Variants in NBAS observed in about 807,000 individuals in gnomAD.
NBAS encodes the protein NAG/BC035112 fusion.
NBAS carries 219 observed loss-of-function variants against 302.5 expected under a neutral mutation model. The observed-to-expected ratio is 0.72, with a 90% CI of 0.65 to 0.81. The LOEUF (loss-of-function observed/expected upper bound fraction) is 0.81. NBAS is among the 30% of genes least tolerant of loss of function. The pLI, the probability that NBAS is intolerant of heterozygous loss-of-function variation, is 0.00. For missense variants in NBAS, 2,932 were observed against 2,841.6 expected (o/e 1.03, Z -0.72); for synonymous variants, 1,118 against 1,021.6 (o/e 1.09, Z -1.80).
the NBAS span, among the ~76,000 whole-genome samples, chr2:14,921,712 T>C: frequency 1.5e-3 from 227 of 152,248 alleles, no homozygotes; most frequent in African/African-American, 4.6e-3. Context: ...AGCGAGTGTG[T>C]GTGTGATTGT....
Position 15,218,961 on chromosome 2 carries a change from G to GCTC in NBAS, c.6241_6243dup (p.Glu2081dup). The GCTC allele has an allele frequency of 1.2e-6, 2 of 1,614,252 alleles. No individual in the cohort carries two copies. Among genetic ancestry groups the GCTC allele is most frequent in the South Asian group, 2.2e-5 (2 of 91,084 alleles). ...TCCAGCAGGTCCTCAGGTGAAACCA[G>GCTC]CTCCTCACTGCAGGGCAAAATCCAG... On this transcript the variant is annotated inframe_insertion, in exon 48 of 52. Coordinates refer to ENST00000281513, the MANE Select transcript of NBAS (RefSeq NM_015909.4).
At chr2:14,996,062 C>T in the NBAS span, among the ~76,000 whole-genome samples, 3 of 152,056 alleles carry the variant, frequency 2.0e-5, no homozygotes, top group African/African-American at 4.8e-5. Flanking sequence ...CTGTTGTCTT[C>T]CTTTGAGGTT....
intron 51 of NBAS, among the ~76,000 whole-genome samples, chr2:15,178,702 A>G (rs1458112614): frequency 6.6e-6 from 1 of 152,200 alleles, no homozygotes; most frequent in African/African-American, 2.4e-5. Context: ...TGATCTTCTT[A>G]AGGAGACTAA....
chr2:15,432,307 C>T (rs566423232), intron 21 of NBAS, among the ~76,000 whole-genome samples: 1 of 150,222 alleles, frequency 6.7e-6, no homozygotes, highest in Non-Finnish European at 1.5e-5. Flanking sequence ...ATATGGTAAA[C>T]TCAAATTATC....
At chr2:14,875,852 G>C in the NBAS span, among the ~76,000 whole-genome samples, 1 of 152,116 alleles carries the variant, frequency 6.6e-6, no homozygotes, top group African/African-American at 2.4e-5. Flanking sequence ...CCTCTCTCTG[G>C]AAAGGAAGGG....
At chr2:14,854,091 TA>T in the NBAS span, among the ~76,000 whole-genome samples, 372 of 149,044 alleles carry the variant, frequency 2.5e-3, 2 homozygotes, top group African/African-American at 7.3e-3. Context: ...ATAATAATAA[TA>T]AAAAAAAGAA....
chr2:14,947,413 TA>T, the NBAS span, among the ~76,000 whole-genome samples: 1 of 152,146 alleles, frequency 6.6e-6, no homozygotes, highest in Admixed American at 6.5e-5. Flanking sequence ...ATGGAAAATC[TA>T]AAAGAAACAA....
Position 15,558,610 on chromosome 2 carries a change from C to T in NBAS, c.142G>A (p.Ala48Thr). Residue 48 changes from alanine (A) to threonine (T), a missense_variant, in exon 2 of 52, where the codon GCA (alanine) becomes ACA (threonine). Transcript: ENST00000281513. ...ATTGCTTTCGTGATGATAAAGGATG[C>T]ACCATGTTTTTGGTTGCCTCTAGGC... ...VQPRGNQKHG[A>T]SFIITKAIRD... The T allele has an allele frequency of 6.2e-7, 1 of 1,613,002 alleles. No homozygotes were observed. Among genetic ancestry groups the T allele is most frequent in the Non-Finnish European group, 8.5e-7 (1 of 1,179,464 alleles).
chr2:14,968,602 C>T, the NBAS span, among the ~76,000 whole-genome samples: 11 of 152,036 alleles, frequency 7.2e-5, no homozygotes, highest in South Asian at 1.3e-3. Flanking sequence ...TGTGCCTGGC[C>T]GAACATGTTT....
chr2:14,834,408 G>T, the NBAS span, among the ~76,000 whole-genome samples: 1 of 152,126 alleles, frequency 6.6e-6, no homozygotes, highest in African/African-American at 2.4e-5. Flanking sequence ...AAGGCCTACT[G>T]CAGATGGACA....
intron 44 of NBAS, among the ~76,000 whole-genome samples, chr2:15,250,688 G>A (rs1036735803): frequency 3.9e-5 from 6 of 152,076 alleles, no homozygotes; most frequent in African/African-American, 9.7e-5. Flanking sequence ...ACATTTATGC[G>A]GCCAACAAGC....
intron 11 of NBAS, among the ~76,000 whole-genome samples, chr2:15,500,539 CAA>C (rs34627628): frequency 4.2e-5 from 6 of 144,524 alleles, no homozygotes; most frequent in African/African-American, 8.1e-5. Flanking sequence ...CACACACACA[CAA>C]AATTAGAAAT....
the NBAS span, among the ~76,000 whole-genome samples, chr2:14,990,805 A>G: frequency 6.6e-6 from 1 of 152,190 alleles, no homozygotes; most frequent in Non-Finnish European, 1.5e-5. Context: ...TACTGAGGAC[A>G]TCTTGCAATA....
At chr2:14,867,889 T>C in the NBAS span, among the ~76,000 whole-genome samples, 2 of 152,210 alleles carry the variant, frequency 1.3e-5, no homozygotes, top group African/African-American at 4.8e-5. Flanking sequence ...AATTATTAAA[T>C]GTTTTCTTTC....
At chr2:14,896,801 T>C in the NBAS span, among the ~76,000 whole-genome samples, 1 of 152,234 alleles carries the variant, frequency 6.6e-6, no homozygotes, top group Non-Finnish European at 1.5e-5. Context: ...CAAATCACCG[T>C]GAACAACTAT....
chr2:14,815,269 T>C, the NBAS span, among the ~76,000 whole-genome samples: 1 of 152,220 alleles, frequency 6.6e-6, no homozygotes, highest in Non-Finnish European at 1.5e-5. Context: ...GATTGAAAGC[T>C]ACTTCACTCA....
the NBAS span, among the ~76,000 whole-genome samples, chr2:15,100,545 G>A: frequency 6.6e-6 from 1 of 152,116 alleles, no homozygotes; most frequent in African/African-American, 2.4e-5. Flanking sequence ...ACTTCTCTGG[G>A]AACACACAAT....
intron 9 of NBAS, among the ~76,000 whole-genome samples, chr2:15,527,089 A>G (rs1662944924): frequency 9.3e-6 from 1 of 107,224 alleles, no homozygotes; most frequent in Admixed American, 9.7e-5. Context: ...TTCTTTTAAA[A>G]GGGACAAGAG....
chr2:15,000,483 A>C, the NBAS span, among the ~76,000 whole-genome samples: 1 of 152,200 alleles, frequency 6.6e-6, no homozygotes, highest in South Asian at 2.1e-4. Context: ...GAAAATATAC[A>C]TGAAAGCCCC....
Sources: gnomAD v4.1 joint callset for allele counts (sites outside exome capture counted in the v4.1 genomes callset) on GRCh38, gnomAD v4.1.1 for gene constraint, MANE v1.5 for transcripts, NCBI Gene and HGNC (gene_info 2026-07-23, HGNC 2026-07-21) for gene names.